Variants in CTNNA1 observed in about 807,000 individuals in gnomAD.
CTNNA1 encodes the protein catenin alpha-1.
CTNNA1 carries 37 observed loss-of-function variants against 98.4 expected under a neutral mutation model. The ratio of observed to expected loss-of-function variants is 0.38; its 90% confidence interval spans 0.29 to 0.49. The LOEUF is 0.49. Among genes scored for constraint, CTNNA1 ranks in the 20% least tolerant of loss-of-function variants. The pLI is 0.95. For synonymous variants in CTNNA1, 404 were observed against 413.2 expected (o/e 0.98, Z 0.27); for missense variants, 761 against 1,147.2 (o/e 0.66, Z 4.86).
intron 3 of CTNNA1, among the ~76,000 whole-genome samples, chr5:138,786,825 C>T (rs1028930783): frequency 6.6e-5 from 10 of 152,152 alleles, no homozygotes; most frequent in Non-Finnish European, 1.2e-4. Flanking sequence ...AATCCCTGAC[C>T]CATAGAAAAC....
intron 1 of CTNNA1, among the ~76,000 whole-genome samples, chr5:138,768,278 G>A (rs1263997868): frequency 6.6e-6 from 1 of 152,048 alleles, no homozygotes; most frequent in Non-Finnish European, 1.5e-5. Flanking sequence ...TTGGGTTTTT[G>A]AGATCGAGTC....
intron 7 of CTNNA1, among the ~76,000 whole-genome samples, chr5:138,841,508 C>T (rs1762271418): frequency 6.6e-6 from 1 of 152,170 alleles, no homozygotes; most frequent in African/African-American, 2.4e-5. Context: ...GATCAACCTG[C>T]CTTGGCCTCC....
At chr5:138,908,533 C>G in intron 10 of CTNNA1, among the ~76,000 whole-genome samples, 1 of 151,878 alleles carries the variant, frequency 6.6e-6, no homozygotes, top group Admixed American at 6.6e-5. Context: ...GGCATGATGG[C>G]GTGCACTTGT....
At chr5:138,852,231 A>T (rs1032381145) in intron 7 of CTNNA1, among the ~76,000 whole-genome samples, 1 of 152,166 alleles carries the variant, frequency 6.6e-6, no homozygotes, top group Non-Finnish European at 1.5e-5. Context: ...CAATACTTTT[A>T]ACATTGCCTC....
intron 5 of CTNNA1, among the ~76,000 whole-genome samples, chr5:138,818,288 G>T (rs563650860): frequency 6.6e-6 from 1 of 150,946 alleles, no homozygotes; most frequent in South Asian, 2.1e-4. Flanking sequence ...TTTTGGGAGC[G>T]GGGGTGGGTA....
At chr5:138,930,173 T>G (rs1765002184) in intron 14 of CTNNA1, among the ~76,000 whole-genome samples, 1 of 152,194 alleles carries the variant, frequency 6.6e-6, no homozygotes, top group African/African-American at 2.4e-5. Flanking sequence ...TTGTCTTATA[T>G]TAATAAGAAT....
In CTNNA1 at chr5:138,873,983, A is replaced by G. The variant is rs1581384351; in HGVS notation, c.1063-12229A>G. ...AAATCCATTGCGAGCCAAACTTCGC[A>G]AACGATTTGTGCTCAAATCCAGAAA... is the stretch of plus-strand genomic sequence containing the variant. On this transcript the variant is annotated intron_variant, in intron 7 of 17. Transcript: ENST00000302763. This position sits in a 1 kb window ranked among gnomAD's most constrained non-coding sequence, Gnocchi z 6.1. 2 of 1,614,018 alleles carry G rather than the reference A, an allele frequency of 1.2e-6. No homozygotes were observed. The highest frequency in any genetic ancestry group is 1.3e-5 in the African/African-American group (1 of 75,052).
At chr5:138,807,426 C>T (rs1758209125) in intron 3 of CTNNA1, among the ~76,000 whole-genome samples, 1 of 151,968 alleles carries the variant, frequency 6.6e-6, no homozygotes, top group African/African-American at 2.4e-5. Context: ...ACCAAGCCTT[C>T]CATAAAGCTG....
At chr5:138,801,031 C>T (rs1757521530) in intron 3 of CTNNA1, among the ~76,000 whole-genome samples, 1 of 152,194 alleles carries the variant, frequency 6.6e-6, no homozygotes, top group Non-Finnish European at 1.5e-5. Flanking sequence ...ATGAGAACTA[C>T]GAATGATCAC....
intron 6 of CTNNA1, among the ~76,000 whole-genome samples, chr5:138,826,641 G>A (rs1760747488): frequency 1.3e-5 from 2 of 152,178 alleles, no homozygotes; most frequent in African/African-American, 4.8e-5. Flanking sequence ...TTTGAGGAAA[G>A]GAAGTCTCTA....
At chr5:138,830,179 AC>A (rs1222364948) in intron 7 of CTNNA1, among the ~76,000 whole-genome samples, 2 of 115,388 alleles carry the variant, frequency 1.7e-5, no homozygotes, top group African/African-American at 6.5e-5. Context: ...AAAAAAAAAA[AC>A]CCAAAAAATA....
chr5:138,932,838 C>T (rs1253270182), intron 17 of CTNNA1, 126 bp downstream of exon 17: 1 of 1,205,070 alleles, frequency 8.3e-7, no homozygotes, highest in Non-Finnish European at 1.2e-6. Flanking sequence ...ACTCCAAGTC[C>T]TGTCCCAGTC....
chr5:138,813,633 A>T lies in CTNNA1; in HGVS notation c.588+1331A>T, dbSNP rs540355970. ...TGGTTGTCAGTAAACACATAAAAAA[A>T]TTTTTTTTGAGGCAGGAGATCTCAC... On this transcript the variant is annotated intron_variant, in intron 5 of 17. Transcript: ENST00000302763. 3.6e-4 allele frequency among the ~76,000 whole-genome samples: 55 copies of T among 152,134 alleles called. 2 individuals are homozygous for T. In the East Asian group the frequency reaches 6.9e-3, roughly 19 times the overall value.
intron 16 of CTNNA1, 30 bp from the exon 17 acceptor site, chr5:138,932,548 T>C (rs1422466701): frequency 6.2e-7 from 1 of 1,612,670 alleles, no homozygotes; most frequent in Non-Finnish European, 8.5e-7. Context: ...CAGGCCAGGA[T>C]ACTTGGTGTT....
chr5:138,785,144 C>A (rs898384196), intron 3 of CTNNA1, among the ~76,000 whole-genome samples: 5 of 148,828 alleles, frequency 3.4e-5, no homozygotes, highest in Admixed American at 2.7e-4. Flanking sequence ...TCACTTCAAG[C>A]TCCGCCTCCC....
At chr5:138,781,351 CCAT>C (rs1256582687) in intron 1 of CTNNA1, among the ~76,000 whole-genome samples, 2 of 152,032 alleles carry the variant, frequency 1.3e-5, no homozygotes, top group African/African-American at 2.4e-5. Flanking sequence ...GAGATCGAGA[CCAT>C]CATATCCTGG....
At chr5:138,757,453 A>G (rs1005059514) in intron 1 of CTNNA1, among the ~76,000 whole-genome samples, 2 of 152,182 alleles carry the variant, frequency 1.3e-5, no homozygotes, top group Admixed American at 6.5e-5. Context: ...TGGGCAACAC[A>G]GTGAGACCCT....
chr5:138,911,058 G>A (rs890330969), intron 10 of CTNNA1, among the ~76,000 whole-genome samples: 2 of 152,188 alleles, frequency 1.3e-5, no homozygotes, highest in Non-Finnish European at 1.5e-5. Flanking sequence ...GAGCAACATA[G>A]TGAGACCCTG....
At chr5:138,849,291 A>G (rs766878710) in intron 7 of CTNNA1, among the ~76,000 whole-genome samples, 3 of 152,202 alleles carry the variant, frequency 2.0e-5, no homozygotes, top group Non-Finnish European at 4.4e-5. Context: ...CACTAGAGGA[A>G]AAAGCTATTA....
Sources: gnomAD v4.1 joint callset for allele counts (sites outside exome capture counted in the v4.1 genomes callset) on GRCh38, gnomAD v4.1.1 for gene constraint, Gnocchi (gnomAD v3.1) non-coding constraint, MANE v1.5 for transcripts, NCBI Gene and HGNC (gene_info 2026-07-23, HGNC 2026-07-21) for gene names.